The following MYO3B variants were observed in gnomAD, a reference collection of about 807,000 sequenced individuals.
MYO3B encodes the protein myosin IIIB.
Under a neutral mutation model 174.6 loss-of-function variants are expected in MYO3B, and 156 were observed. The ratio of observed to expected loss-of-function variants is 0.89; its 90% CI spans 0.78 to 1.02. MYO3B has a LOEUF of 1.02. Among genes scored for constraint, MYO3B ranks in the 50% least tolerant of loss-of-function variants. The pLI is 0.00. For missense variants in MYO3B, 1,632 were observed against 1,639.4 expected, an observed-to-expected ratio of 1.00 and a Z score of 0.08; for synonymous variants, 563 against 569.1, an observed-to-expected ratio of 0.99 and a Z score of 0.15.
intron 23 of MYO3B, among the ~76,000 whole-genome samples, chr2:170,445,810 A>AT (rs991244825): frequency 1.3e-5 from 2 of 151,948 alleles, no homozygotes; most frequent in Non-Finnish European, 2.9e-5. Context: ...ACTAAAAAAA[A>AT]TTTTTTTTGT....
chr2:170,230,362 T>TTTTTTTA (rs1559318933), intron 6 of MYO3B, among the ~76,000 whole-genome samples: 3 of 142,736 alleles, frequency 2.1e-5, no homozygotes, highest in Non-Finnish European at 3.0e-5. Flanking sequence ...TTTTTTTTTT[T>TTTTTTTA]AGTAGAGACG....
chr2:170,453,409 TACACACACACACACACACACACAC>T (rs35558091), intron 23 of MYO3B, among the ~76,000 whole-genome samples: 2 of 131,200 alleles, frequency 1.5e-5, no homozygotes, highest in East Asian at 4.4e-4. Context: ...GTTTACCATT[TACACACACACACACACACACACAC>T]ACACACACAC....
intron 32 of MYO3B, among the ~76,000 whole-genome samples, chr2:170,582,768 C>G (rs1251723670): frequency 6.6e-6 from 1 of 152,104 alleles, no homozygotes; most frequent in Non-Finnish European, 1.5e-5. Flanking sequence ...AATATTCAGG[C>G]CTTTTGTTAA....
At chr2:170,402,109 CG>C (rs1447893406) in intron 18 of MYO3B, among the ~76,000 whole-genome samples, 1 of 152,162 alleles carries the variant, frequency 6.6e-6, no homozygotes. Flanking sequence ...AAACTGGGTT[CG>C]CACCCAAACT....
intron 8 of MYO3B, among the ~76,000 whole-genome samples, chr2:170,359,883 C>G (rs1362632084): frequency 6.6e-6 from 1 of 152,144 alleles, no homozygotes; most frequent in Non-Finnish European, 1.5e-5. Context: ...TGTCTCATTC[C>G]AGGCATTGTT....
intron 1 of MYO3B, among the ~76,000 whole-genome samples, chr2:170,191,651 C>G (rs1353782570): frequency 6.6e-6 from 1 of 152,136 alleles, no homozygotes; most frequent in African/African-American, 2.4e-5. Flanking sequence ...ACTGTGCTCT[C>G]CCTCCCGCAA....
chr2:170,654,443 C>T lies in MYO3B; in HGVS notation c.*1322C>T, dbSNP rs1699178124. On this transcript the variant is annotated 3_prime_UTR_variant, in exon 35 of 35. Transcript: ENST00000408978. ...ATGAAGTCAGGAGTTCGAGACCAGC[C>T]TGACCAACATGGTGAAACCCCGTCT... 1 of 151,874 alleles carries T rather than the reference C, an allele frequency of 6.6e-6. No individual in the cohort carries two copies. Among genetic ancestry groups the T allele is most frequent in the Non-Finnish European group, 1.5e-5 (1 of 67,984 alleles). 9.4% of individuals were successfully genotyped at this position (151,874 alleles called of 1,614,324 possible).
chr2:170,256,230 A>G (rs1325666048), intron 7 of MYO3B, among the ~76,000 whole-genome samples: 1 of 152,244 alleles, frequency 6.6e-6, no homozygotes, highest in African/African-American at 2.4e-5. Context: ...ATAGTCCACA[A>G]AAATTTCCCC....
intron 7 of MYO3B, among the ~76,000 whole-genome samples, chr2:170,312,686 T>C (rs920674334): frequency 6.6e-6 from 1 of 152,256 alleles, no homozygotes; most frequent in African/African-American, 2.4e-5. Context: ...AGGGACACTT[T>C]TCTGATTATT....
At chr2:170,296,388 G>A (rs1011391626) in intron 7 of MYO3B, among the ~76,000 whole-genome samples, 2 of 152,176 alleles carry the variant, frequency 1.3e-5, no homozygotes, top group African/African-American at 4.8e-5. Context: ...GTGGTTAGTG[G>A]TACAGCTACA....
intron 7 of MYO3B, among the ~76,000 whole-genome samples, chr2:170,258,124 CA>C (rs1423095901): frequency 6.6e-6 from 1 of 152,000 alleles, no homozygotes; most frequent in Non-Finnish European, 1.5e-5. Context: ...GATGGATTCC[CA>C]GCTGAATTCT....
intron 25 of MYO3B, among the ~76,000 whole-genome samples, chr2:170,488,747 G>C (rs531400765): frequency 6.6e-6 from 1 of 152,098 alleles, no homozygotes; most frequent in African/African-American, 2.4e-5. Context: ...TTTATCAGTT[G>C]GAATTTAGAA....
intron 25 of MYO3B, among the ~76,000 whole-genome samples, chr2:170,481,861 T>C (rs1685707887): frequency 6.6e-6 from 1 of 152,208 alleles, no homozygotes; most frequent in Non-Finnish European, 1.5e-5. Flanking sequence ...GCTTCCCAAC[T>C]GTGTGTGTTG....
chr2:170,412,104 A>G (rs1255653857), intron 22 of MYO3B: 1 of 152,250 alleles, frequency 6.6e-6, no homozygotes, highest in Non-Finnish European at 1.5e-5. Flanking sequence ...GAGACTTTTC[A>G]AACTGAATGA....
At chr2:170,497,113 C>T (rs913352310) in intron 25 of MYO3B, among the ~76,000 whole-genome samples, 6 of 152,160 alleles carry the variant, frequency 3.9e-5, no homozygotes, top group Non-Finnish European at 8.8e-5. Context: ...TGCCCTGAAG[C>T]AGGTCATAAG....
intron 16 of MYO3B, 87 bp from the exon 17 acceptor site, chr2:170,400,101 A>G (rs920998318): frequency 9.7e-6 from 15 of 1,542,668 alleles, no homozygotes; most frequent in Admixed American, 8.9e-5. Flanking sequence ...ACTTTGGTAG[A>G]CAACTAGTAG....
intron 22 of MYO3B, among the ~76,000 whole-genome samples, chr2:170,423,044 T>C (rs548763831): frequency 1.2e-3 from 164 of 137,876 alleles, no homozygotes; most frequent in Middle Eastern, 4.3e-3. Flanking sequence ...TGCAATGGCA[T>C]GATCTCAGCT....
At chr2:170,262,568 A>C (rs1037531516) in intron 7 of MYO3B, among the ~76,000 whole-genome samples, 4 of 152,190 alleles carry the variant, frequency 2.6e-5, no homozygotes, top group Admixed American at 6.5e-5. Flanking sequence ...TGGGACAATG[A>C]AGTAAGAGTT....
intron 22 of MYO3B, among the ~76,000 whole-genome samples, chr2:170,439,470 C>T (rs1366670459): frequency 6.6e-6 from 1 of 152,024 alleles, no homozygotes; most frequent in Non-Finnish European, 1.5e-5. Flanking sequence ...CCTTTATTAG[C>T]TATATAGTTT....
Sources: gnomAD v4.1 joint callset for allele counts (sites outside exome capture counted in the v4.1 genomes callset) on GRCh38, gnomAD v4.1.1 for gene constraint, MANE v1.5 for transcripts, NCBI Gene and HGNC (gene_info 2026-07-23, HGNC 2026-07-21) for gene names.